MYO3A: variants seen among roughly 807,000 people sequenced by gnomAD.
The protein encoded by MYO3A is myosin-IIIa.
In MYO3A, 180 loss-of-function variants were observed where a neutral mutation model predicts 192.7. The ratio of observed to expected loss-of-function variants is 0.93; its 90% confidence interval spans 0.83 to 1.06. The LOEUF is 1.06. MYO3A is among the 50% of genes least tolerant of loss of function. The pLI is 0.00. For missense variants in MYO3A, 1,896 were observed against 1,905.0 expected (o/e 1.00, Z 0.09); for synonymous variants, 628 against 645.3 (o/e 0.97, Z 0.41).
intron 14 of MYO3A, among the ~76,000 whole-genome samples, chr10:26,073,432 G>A (rs1316677906): frequency 1.3e-5 from 2 of 151,942 alleles, no homozygotes; most frequent in East Asian, 1.9e-4. Context: ...AGCCAGGCGT[G>A]GTGGCAGGCG....
chr10:26,191,936 C>T (rs1018895080), intron 31 of MYO3A, among the ~76,000 whole-genome samples: 14 of 152,168 alleles, frequency 9.2e-5, no homozygotes, highest in African/African-American at 3.4e-4. Flanking sequence ...GCTATTACTG[C>T]TTTTAAAGTC....
chr10:25,968,561 A>G (rs1341926982), intron 4 of MYO3A, among the ~76,000 whole-genome samples: 2 of 152,236 alleles, frequency 1.3e-5, no homozygotes, highest in African/African-American at 2.4e-5. Flanking sequence ...TTTTAGAACT[A>G]CAATTATAAC....
intron 32 of MYO3A, among the ~76,000 whole-genome samples, chr10:26,194,575 A>G (rs4749097): frequency 0.64 from 97,579 of 152,004 alleles, 32,157 homozygotes; most frequent in African/African-American, 0.8. Flanking sequence ...AGAATCAGTT[A>G]GAAATAAGTT....
intron 4 of MYO3A, among the ~76,000 whole-genome samples, chr10:25,969,542 G>A (rs1053259759): frequency 6.6e-6 from 1 of 152,102 alleles, no homozygotes; most frequent in African/African-American, 2.4e-5. Context: ...GATGCATATT[G>A]TAAACCCTAA....
intron 20 of MYO3A, among the ~76,000 whole-genome samples, chr10:26,131,730 T>C (rs1321344946): frequency 6.6e-6 from 1 of 152,206 alleles, no homozygotes; most frequent in Non-Finnish European, 1.5e-5. Context: ...TTGAAGCTTT[T>C]ACAGTTTCCC....
chr10:26,026,161 C>T (rs188774838), intron 9 of MYO3A, among the ~76,000 whole-genome samples: 1 of 147,374 alleles, frequency 6.8e-6, no homozygotes, highest in East Asian at 1.9e-4. Context: ...AGCTTAATCA[C>T]TCACAGATGT....
At chr10:26,152,028 C>T (rs760018681) in intron 23 of MYO3A, among the ~76,000 whole-genome samples, 1 of 152,194 alleles carries the variant, frequency 6.6e-6, no homozygotes, top group Non-Finnish European at 1.5e-5. Context: ...TTCATATACA[C>T]CAACAGCATC....
At chr10:25,947,962 A>G (rs535209960) in intron 2 of MYO3A, among the ~76,000 whole-genome samples, 2 of 152,302 alleles carry the variant, frequency 1.3e-5, no homozygotes, top group South Asian at 4.1e-4. Context: ...TTAGGAAGTG[A>G]TAAGTGTTAT....
At chr10:25,994,205 G>A (rs1159472182) in intron 4 of MYO3A, among the ~76,000 whole-genome samples, 2 of 152,052 alleles carry the variant, frequency 1.3e-5, no homozygotes, top group Non-Finnish European at 2.9e-5. Flanking sequence ...TCCTGTATTG[G>A]GTGCGTATAT....
At chr10:26,035,116 A>G (rs1842967655) in intron 10 of MYO3A, among the ~76,000 whole-genome samples, 1 of 152,176 alleles carries the variant, frequency 6.6e-6, no homozygotes, top group Non-Finnish European at 1.5e-5. Flanking sequence ...CAACTCAGGA[A>G]GAAACAGATA....
chr10:25,977,048 T>A (rs1359300842), intron 4 of MYO3A, among the ~76,000 whole-genome samples: 1 of 152,206 alleles, frequency 6.6e-6, no homozygotes, highest in Non-Finnish European at 1.5e-5. Flanking sequence ...GGACATTTTA[T>A]GCTGGTTGAA....
At chr10:26,209,871 G>T (rs1378107799) in intron 34 of MYO3A, among the ~76,000 whole-genome samples, 1 of 152,152 alleles carries the variant, frequency 6.6e-6, no homozygotes, top group Non-Finnish European at 1.5e-5. Flanking sequence ...AAGGCAGGAG[G>T]ATCACTTGAG....
intron 23 of MYO3A, among the ~76,000 whole-genome samples, 157 bp downstream of exon 23, chr10:26,147,716 A>G (rs1840556365): frequency 6.6e-6 from 1 of 152,208 alleles, no homozygotes; most frequent in Non-Finnish European, 1.5e-5. Flanking sequence ...AGATCATCTG[A>G]AGAAAATATA....
chr10:26,098,038 G>A (rs1837164839), intron 17 of MYO3A, among the ~76,000 whole-genome samples: 1 of 152,154 alleles, frequency 6.6e-6, no homozygotes, highest in South Asian at 2.1e-4. Context: ...CACCAACAGT[G>A]TAAAAGTGTT....
intron 34 of MYO3A, among the ~76,000 whole-genome samples, chr10:26,206,361 C>G (rs1843945221): frequency 7.0e-6 from 1 of 142,150 alleles, no homozygotes; most frequent in African/African-American, 2.7e-5. Flanking sequence ...GCGCCCAGCC[C>G]AGGTATCTTT....
intron 31 of MYO3A, among the ~76,000 whole-genome samples, chr10:26,177,874 T>C (rs760056794): frequency 1.3e-5 from 2 of 152,220 alleles, no homozygotes; most frequent in Non-Finnish European, 2.9e-5. Context: ...ATTTGCCTGA[T>C]ATGAGAGGAA....
At chr10:26,055,422 C>CA (rs113466867) in intron 10 of MYO3A, among the ~76,000 whole-genome samples, 24,600 of 151,822 alleles carry the variant, frequency 0.16, 2,250 homozygotes, top group Non-Finnish European at 0.21. Context: ...TAGGAAAATA[C>CA]AGAAAATATC....
At chr10:26,170,650 A>AGTC in intron 29 of MYO3A, 111 bp downstream of exon 29, 1 of 1,197,634 alleles carries the variant, frequency 8.3e-7, no homozygotes, top group Non-Finnish European at 1.2e-6. Context: ...CCTGATACTG[A>AGTC]CACATCAAAT....
intron 10 of MYO3A, among the ~76,000 whole-genome samples, chr10:26,033,575 G>A (rs555575665): frequency 2.0e-5 from 3 of 152,280 alleles, no homozygotes; most frequent in Non-Finnish European, 2.9e-5. Context: ...TGACATCCAT[G>A]TTGTCTCAAC....
Sources: allele counts gnomAD v4.1 joint callset (sites outside exome capture counted in the v4.1 genomes callset), GRCh38; gene constraint gnomAD v4.1.1; transcripts MANE v1.5; gene names NCBI Gene and HGNC (gene_info 2026-07-23, HGNC 2026-07-21).